The following PUDP variants were observed in gnomAD, a reference collection of about 807,000 sequenced individuals.
The protein encoded by PUDP is pseudouridine 5'-phosphatase.
Under a neutral mutation model 9.4 loss-of-function variants are expected in PUDP, and 8 were observed. That is an observed-to-expected ratio of 0.85 (90% CI 0.50 to 1.53). The LOEUF is 1.53. Among genes scored for constraint, PUDP ranks in the 40% most tolerant of loss-of-function variants. The pLI is 0.00. For missense variants in PUDP, 188 were observed against 189.7 expected, an observed-to-expected ratio of 0.99 and a Z score of 0.05; for synonymous variants, 99 against 80.7, an observed-to-expected ratio of 1.23 and a Z score of -1.22.
At position 6,951,239 on chromosome X, in the gene PUDP, TC is replaced by T. The variant is rs1488374477; in HGVS notation, c.*247+25893del. 1.6e-4 allele frequency among the ~76,000 whole-genome samples: 13 copies of T among 81,546 alleles called. No individual in the cohort carries two copies. The East Asian group carries it at 2.1e-3, about 13-fold the overall frequency. The allele number at this position is 81,546 out of a possible 115,157, so 70.8% of individuals were successfully genotyped here. On this transcript the variant is annotated intron_variant and NMD_transcript_variant, in intron 3 of 3. Transcript: ENST00000655425. Reference sequence around the variant, plus strand: ...CATCATCCATCCATCCATCCATCCATCCATCATATCTATCTATCTATCTATC... The same window carrying T: ...CATCATCCATCCATCCATCCATCCATCATCATATCTATCTATCTATCTATC...
chrX:6,813,482 C>A (rs113428402), intron 3 of PUDP, among the ~76,000 whole-genome samples: 3,320 of 111,365 alleles, frequency 0.03, 122 homozygotes, highest in African/African-American at 0.1. Context: ...CCAAAGAATT[C>A]TCTCCTGCAA....
chrX:6,835,428 A>G (rs1926566913), intron 3 of PUDP, among the ~76,000 whole-genome samples: 1 of 111,758 alleles, frequency 8.9e-6, no homozygotes, highest in Admixed American at 9.5e-5. Flanking sequence ...ATCACTTTGC[A>G]TTGTTTTAAG....
At chrX:6,911,748 TTTTTA>T (rs1927853002) in intron 3 of PUDP, among the ~76,000 whole-genome samples, 1 of 112,247 alleles carries the variant, frequency 8.9e-6, no homozygotes, top group African/African-American at 3.2e-5. Context: ...TTGCTTTGTC[TTTTTA>T]TTTTTAGTTT....
At chrX:6,865,567 A>G (rs1351998024) in intron 3 of PUDP, among the ~76,000 whole-genome samples, 1 of 112,508 alleles carries the variant, frequency 8.9e-6, no homozygotes, top group African/African-American at 3.2e-5. Context: ...GAGCTTCCAC[A>G]TTCAGAAGAG....
At chrX:7,065,790 G>A (rs1305090093) in intron 3 of PUDP, among the ~76,000 whole-genome samples, 1 of 111,886 alleles carries the variant, frequency 8.9e-6, no homozygotes, top group East Asian at 2.8e-4. Context: ...GCAATGTTAT[G>A]CAATGCAAGG....
intron 3 of PUDP, among the ~76,000 whole-genome samples, chrX:6,771,341 T>G (rs1925360682): frequency 8.9e-6 from 1 of 112,368 alleles, no homozygotes; most frequent in African/African-American, 3.2e-5. Context: ...ATTTCATTTT[T>G]GAAGACTACC....
chrX:6,753,371 A>G (rs762528869), intron 3 of PUDP, among the ~76,000 whole-genome samples: 14 of 112,479 alleles, frequency 1.2e-4, no homozygotes, highest in African/African-American at 4.2e-4. Flanking sequence ...CCAGTCGTTG[A>G]GTGATGGGCA....
At chrX:7,128,579 C>T (rs1932541137) in intron 1 of PUDP, among the ~76,000 whole-genome samples, 1 of 111,026 alleles carries the variant, frequency 9.0e-6, no homozygotes, top group African/African-American at 3.3e-5. Flanking sequence ...GGGCGGCAGT[C>T]GCTGCCCTGG....
At chrX:6,901,427 T>G (rs188021936) in intron 3 of PUDP, among the ~76,000 whole-genome samples, 1 of 112,220 alleles carries the variant, frequency 8.9e-6, no homozygotes, top group Non-Finnish European at 1.9e-5. Flanking sequence ...TACAGCTGAG[T>G]CAACAAACAC....
intron 3 of PUDP, among the ~76,000 whole-genome samples, chrX:6,975,590 A>T (rs1255935213): frequency 9.0e-6 from 1 of 111,188 alleles, no homozygotes; most frequent in East Asian, 2.9e-4. Context: ...TGGAAGCTTC[A>T]TCCCAGAGGG....
intron 3 of PUDP, among the ~76,000 whole-genome samples, chrX:6,895,612 C>G (rs1361411488): frequency 1.8e-5 from 2 of 110,692 alleles, no homozygotes; most frequent in African/African-American, 6.6e-5. Context: ...AGGAATGAGT[C>G]AAATTGCCAA....
At chrX:7,147,957 C>G (rs1295654754) in intron 1 of PUDP, 96 bp downstream of exon 1, 1 of 682,178 alleles carries the variant, frequency 1.5e-6, no homozygotes, top group East Asian at 4.5e-5. Flanking sequence ...AACACCGCCC[C>G]GCCGCGGCCC....
chrX:6,986,511 G>A (rs763267693), intron 1 of PUDP, among the ~76,000 whole-genome samples: 29 of 111,271 alleles, frequency 2.6e-4, no homozygotes, highest in Non-Finnish European at 3.2e-4. Flanking sequence ...CGCCCCCTCC[G>A]GCCACAGAAG....
intron 1 of PUDP, among the ~76,000 whole-genome samples, chrX:6,992,662 A>G (rs1483260370): frequency 9.0e-6 from 1 of 110,958 alleles, no homozygotes; most frequent in East Asian, 2.8e-4. Flanking sequence ...CTGGGAAATG[A>G]GCTCCACCAC....
At chrX:6,903,941 A>T (rs748810359) in intron 3 of PUDP, among the ~76,000 whole-genome samples, 7 of 102,955 alleles carry the variant, frequency 6.8e-5, no homozygotes, top group African/African-American at 1.1e-4. Context: ...AAGTTTAAAA[A>T]ATATATATAT....
At chrX:6,891,281 T>C (rs1200594412) in intron 3 of PUDP, among the ~76,000 whole-genome samples, 2 of 111,716 alleles carry the variant, frequency 1.8e-5, no homozygotes, top group East Asian at 5.6e-4. Flanking sequence ...ACATATAGAG[T>C]ATCACTTCCA....
intron 2 of PUDP, among the ~76,000 whole-genome samples, chrX:7,081,776 G>A (rs767198530): frequency 2.1e-4 from 24 of 112,847 alleles, no homozygotes; most frequent in Admixed American, 9.3e-4. Context: ...AATGATTAAC[G>A]TTCCTCATGG....
intron 1 of PUDP, among the ~76,000 whole-genome samples, chrX:6,999,790 A>AAAT (rs1188128037): frequency 9.1e-6 from 1 of 109,681 alleles, no homozygotes; most frequent in South Asian, 3.8e-4. Context: ...TGAAAATAAA[A>AAAT]AATAATAATA....
intron 3 of PUDP, among the ~76,000 whole-genome samples, chrX:6,963,374 A>G (rs1021100532): frequency 2.7e-5 from 3 of 111,369 alleles, no homozygotes; most frequent in African/African-American, 9.8e-5. Flanking sequence ...CCTGGCTCTG[A>G]CATGACTGAG....
Sources: allele counts gnomAD v4.1 joint callset (sites outside exome capture counted in the v4.1 genomes callset), GRCh38; gene constraint gnomAD v4.1.1; transcripts MANE v1.5; gene names NCBI Gene and HGNC (gene_info 2026-07-23, HGNC 2026-07-21).